The following CD8B2 variants were observed in gnomAD, a reference collection of about 807,000 sequenced individuals.
The protein encoded by CD8B2 is CD8B family member 2.
Under a neutral mutation model 23.7 loss-of-function variants are expected in CD8B2, and 11 were observed. The ratio of observed to expected loss-of-function variants is 0.46; its 90% CI spans 0.29 to 0.77. CD8B2 has a LOEUF of 0.77. Ranked by LOEUF, CD8B2 falls within the 30% of genes least tolerant of loss-of-function variation. CD8B2 has a pLI of 0.09. For missense variants in CD8B2, 197 were observed against 270.5 expected (o/e 0.73, Z 1.91); for synonymous variants, 90 against 109.3 (o/e 0.82, Z 1.10).
At chr2:106,524,901 C>T (rs1679887074) in intron 5 of CD8B2, among the ~76,000 whole-genome samples, 1 of 152,158 alleles carries the variant, frequency 6.6e-6, no homozygotes, top group African/African-American at 2.4e-5. Context: ...CACGTCCCTC[C>T]CATACGCAGC....
intron 2 of CD8B2, among the ~76,000 whole-genome samples, 166 bp from the exon 3 acceptor site, chr2:106,496,007 C>T (rs1679292474): frequency 6.6e-6 from 1 of 151,998 alleles, no homozygotes; most frequent in Admixed American, 6.6e-5. Flanking sequence ...CCATGTTGCC[C>T]AGGCTGGTCT....
At chr2:106,512,355 G>A (rs1383158811), downstream of CD8B2, among the ~76,000 whole-genome samples, 1 of 152,132 alleles carries the variant, frequency 6.6e-6, no homozygotes, top group Non-Finnish European at 1.5e-5. Flanking sequence ...GGGATTACAG[G>A]AATGAGCCAC....
At chr2:106,541,511 A>G (rs1361315845) in intron 5 of CD8B2, among the ~76,000 whole-genome samples, 1 of 152,232 alleles carries the variant, frequency 6.6e-6, no homozygotes, top group Non-Finnish European at 1.5e-5. Context: ...TGCAATGAAC[A>G]GGACAGCTCC....
intron 5 of CD8B2, among the ~76,000 whole-genome samples, chr2:106,525,129 T>G (rs776420255): frequency 1.3e-5 from 2 of 152,220 alleles, no homozygotes; most frequent in African/African-American, 2.4e-5. Context: ...TCTAATACAC[T>G]GCTCAGATTT....
At position 106,509,262 on chromosome 2, in the gene CD8B2, A is replaced by G. The variant is rs912930952; in HGVS notation, c.*2322A>G. On this transcript the variant is annotated 3_prime_UTR_variant, in exon 6 of 6. Transcript: ENST00000643224. ...ACAAAAGCTCTGCCCATCAGCTCTG[A>G]GGACAAGGGACAGGCTGCCTTCCAA... The G allele has an allele frequency of 6.6e-6, 1 of 152,174 alleles. No homozygotes were observed. Among genetic ancestry groups the G allele is most frequent in the Non-Finnish European group, 1.5e-5 (1 of 68,034 alleles). The allele number at this position is 152,174 out of a possible 1,614,324, so 9.4% of individuals were successfully genotyped here.
rs373963419 is a variant in CD8B2 at position 106,491,002 on chromosome 2, C to T, written c.172C>T (p.Arg58Cys). Residue 58 changes from arginine to cysteine, a missense_variant, in exon 2 of 6, where the codon CGC (arginine) becomes TGC (cysteine). By Grantham distance (180) the Arg-to-Cys change is radical. This residue lies in a region of CD8B2 where 140 missense variants were observed against 164.2 expected (regional missense o/e 0.85). Coordinates refer to ENST00000643224, the MANE Select transcript of CD8B2 (RefSeq NM_001349727.2). Reference protein sequence around the residue: ...SNMCIYWLRQRQAPSSDSHHE... With the variant: ...SNMCIYWLRQCQAPSSDSHHE... Reference sequence around the variant, plus strand: ...CATGTGCATCTACTGGCTGAGACAGCGCCAGGCCCCGAGCAGTGATAGTCA... The same window carrying T: ...CATGTGCATCTACTGGCTGAGACAGTGCCAGGCCCCGAGCAGTGATAGTCA... 228 of 1,613,988 alleles carry T rather than the reference C, an allele frequency of 1.4e-4. No individual in the cohort carries two copies. The highest frequency in any genetic ancestry group is 1.8e-4 in the Non-Finnish European group (212 of 1,179,862).
intron 5 of CD8B2, among the ~76,000 whole-genome samples, chr2:106,534,899 A>G (rs1412483607): frequency 1.3e-5 from 2 of 151,948 alleles, no homozygotes; most frequent in East Asian, 1.9e-4. Context: ...GCTCACTGCA[A>G]CCTCCTCCGC....
intron 4 of CD8B2, among the ~76,000 whole-genome samples, chr2:106,503,486 C>T (rs1455072210): frequency 2.0e-5 from 3 of 152,158 alleles, no homozygotes; most frequent in African/African-American, 2.4e-5. Flanking sequence ...CAAACTCTCT[C>T]GATCAAGGAA....
intron 2 of CD8B2, among the ~76,000 whole-genome samples, chr2:106,495,106 T>G (rs1462902146): frequency 3.3e-5 from 5 of 152,038 alleles, no homozygotes; most frequent in African/African-American, 1.2e-4. Context: ...GAAACTTTTT[T>G]TGGACACACT....
intron 3 of CD8B2, among the ~76,000 whole-genome samples, chr2:106,500,841 C>A (rs1473893423): frequency 2.2e-4 from 33 of 151,258 alleles, no homozygotes; most frequent in African/African-American, 7.3e-4. Context: ...AAATAGCACA[C>A]AAAATGGACA....
chr2:106,517,050 T>G (rs893660673), intron 5 of CD8B2, among the ~76,000 whole-genome samples: 1 of 149,280 alleles, frequency 6.7e-6, no homozygotes, highest in Non-Finnish European at 1.5e-5. Context: ...AAATAAATAT[T>G]TCATTATATT....
chr2:106,515,399 G>A (rs2104565516), downstream of CD8B2, among the ~76,000 whole-genome samples: 1 of 152,320 alleles, frequency 6.6e-6, no homozygotes. Context: ...CCATGTGATG[G>A]TGTTTGGAGG....
intron 5 of CD8B2, among the ~76,000 whole-genome samples, chr2:106,531,158 G>T (rs1679985457): frequency 6.6e-6 from 1 of 152,228 alleles, no homozygotes; most frequent in South Asian, 2.1e-4. Context: ...CCCCTTTCCT[G>T]TAACAACATC....
intron 5 of CD8B2, among the ~76,000 whole-genome samples, chr2:106,521,230 G>A (rs1347657661): frequency 1.3e-5 from 2 of 152,096 alleles, no homozygotes; most frequent in Non-Finnish European, 2.9e-5. Flanking sequence ...CACTCTAATC[G>A]TATTATGCAA....
intron 5 of CD8B2, among the ~76,000 whole-genome samples, chr2:106,520,743 A>G (rs1454180917): frequency 1.3e-5 from 2 of 152,036 alleles, no homozygotes; most frequent in East Asian, 3.9e-4. Flanking sequence ...GGTGCCCCAC[A>G]CCTGTAATCC....
intron 4 of CD8B2, among the ~76,000 whole-genome samples, chr2:106,503,228 T>C (rs1679447237): frequency 6.6e-6 from 1 of 152,192 alleles, no homozygotes; most frequent in Non-Finnish European, 1.5e-5. Context: ...TCTGCTCACC[T>C]GTGCCACCTC....
chr2:106,517,383 C>G lies in CD8B2; in HGVS notation c.620+13058C>G, dbSNP rs186184607. ...ACTATCTTTGATTTCTCGCTTCTTT[C>G]TGCTTAGGCCCTGCTGACATTTTTG... On this transcript the variant is annotated intron_variant, in intron 5 of 5. Coordinates refer to the CD8B2 transcript ENST00000416057. Among the ~76,000 whole-genome samples the G allele has an allele frequency of 1.7e-3, 266 of 152,278 alleles. 6 individuals carry two copies. In the South Asian group the frequency reaches 0.025, roughly 14 times the overall value.
At chr2:106,493,620 A>G (rs1337596157) in intron 2 of CD8B2, among the ~76,000 whole-genome samples, 1 of 152,122 alleles carries the variant, frequency 6.6e-6, no homozygotes, top group African/African-American at 2.4e-5. Flanking sequence ...ACCCTCTCCG[A>G]CCCTGCTGAT....
intron 5 of CD8B2, among the ~76,000 whole-genome samples, chr2:106,519,677 T>C (rs1281063087): frequency 6.6e-6 from 1 of 152,194 alleles, no homozygotes; most frequent in East Asian, 1.9e-4. Context: ...CACCTTCGTG[T>C]AACACAGGGG....
Sources: allele counts gnomAD v4.1 joint callset (sites outside exome capture counted in the v4.1 genomes callset), GRCh38; gene constraint gnomAD v4.1.1; regional missense constraint gnomAD v4.1.1; transcripts MANE v1.5; gene names NCBI Gene and HGNC (gene_info 2026-07-23, HGNC 2026-07-21).